Variants in PCDHA2 observed in about 807,000 individuals in gnomAD.
The protein encoded by PCDHA2 is protocadherin alpha-2.
A neutral mutation model predicts 66.0 loss-of-function variants in PCDHA2; 58 were observed. The observed-to-expected ratio is 0.88, with a 90% CI of 0.71 to 1.09. The LOEUF (loss-of-function observed/expected upper bound fraction) is 1.09. Ranked by LOEUF, PCDHA2 falls within the 50% of genes least tolerant of loss-of-function variation. The probability of loss-of-function intolerance (pLI) is 0.00; values close to 1 mark genes in which losing one functional copy is unlikely to be tolerated. For synonymous variants in PCDHA2, 634 were observed against 554.0 expected (o/e 1.14, Z -2.03); for missense variants, 1,267 against 1,242.3 (o/e 1.02, Z -0.30).
At chr5:140,996,831 T>C (rs1196344709) in intron 3 of PCDHA2, among the ~76,000 whole-genome samples, 1 of 152,204 alleles carries the variant, frequency 6.6e-6, no homozygotes, top group Non-Finnish European at 1.5e-5. Flanking sequence ...CTACCAATAA[T>C]TTAGCGTGCA....
intron 1 of PCDHA2, among the ~76,000 whole-genome samples, chr5:140,948,168 T>G (rs1217978838): frequency 6.6e-6 from 1 of 151,636 alleles, no homozygotes; most frequent in Non-Finnish European, 1.5e-5. Flanking sequence ...AACCTTCCAT[T>G]CCTAGGGTAA....
At chr5:140,832,389 C>G (rs1441016073) in intron 1 of PCDHA2, among the ~76,000 whole-genome samples, 1 of 152,132 alleles carries the variant, frequency 6.6e-6, no homozygotes, top group Non-Finnish European at 1.5e-5. Flanking sequence ...ATGGCAGAAA[C>G]TGGTAGTGGT....
intron 3 of PCDHA2, among the ~76,000 whole-genome samples, chr5:141,007,994 T>G (rs1339008337): frequency 5.9e-5 from 9 of 152,262 alleles, no homozygotes. Flanking sequence ...GAAATGTACA[T>G]GTTAATAAAC....
chr5:140,808,809 G>A, intron 1 of PCDHA2: 1 of 1,612,748 alleles, frequency 6.2e-7, no homozygotes, highest in Non-Finnish European at 8.5e-7. Flanking sequence ...CGCGATGCCG[G>A]CGTGCCACCT....
At chr5:140,831,834 T>C (rs1272753389) in intron 1 of PCDHA2, among the ~76,000 whole-genome samples, 4 of 152,326 alleles carry the variant, frequency 2.6e-5, no homozygotes, top group East Asian at 3.9e-4. Context: ...CTAGTTTCAA[T>C]GATAGAATTG....
chr5:140,849,804 G>A, intron 1 of PCDHA2: 2 of 1,598,448 alleles, frequency 1.3e-6, no homozygotes, highest in South Asian at 1.1e-5. Flanking sequence ...TTCACTGTGG[G>A]CCACGGCCAG....
chr5:140,949,679 T>A (rs246046), intron 1 of PCDHA2, among the ~76,000 whole-genome samples: 85,531 of 151,538 alleles, frequency 0.56, 24,739 homozygotes, highest in African/African-American at 0.69. Context: ...ATGCCCTTGT[T>A]GAAGCGTATT....
intron 1 of PCDHA2, chr5:140,870,060 A>G (rs2051623081): frequency 6.2e-7 from 1 of 1,613,776 alleles, no homozygotes; most frequent in African/African-American, 1.3e-5. Flanking sequence ...AAATTGAAGT[A>G]CAGGCTACAG....
In PCDHA2 at chr5:140,894,570, T is replaced by G. The variant is rs558111947; in HGVS notation, c.2389-84379T>G. ...TTTACTTCTGAAAAAATTATTTTCC[T>G]TTTTTTTAATATTTTACTGAGTTTT... On this transcript the variant is annotated intron_variant, in intron 1 of 3. Coordinates refer to ENST00000526136, the MANE Select transcript of PCDHA2 (RefSeq NM_018905.3). Among the ~76,000 whole-genome samples the G allele has an allele frequency of 1.5e-4, 23 of 151,856 alleles. No individual in the cohort carries two copies. The South Asian group carries it at 4.4e-3, about 29-fold the overall frequency.
intron 1 of PCDHA2, among the ~76,000 whole-genome samples, chr5:140,924,902 AAAAT>A (rs1239542905): frequency 0.13 from 4,984 of 38,732 alleles, 244 homozygotes; most frequent in African/African-American, 0.34. Flanking sequence ...CTCAAAAAAA[AAAAT>A]AAAATAAAAT....
chr5:140,882,788 C>T, intron 1 of PCDHA2: 1 of 1,614,216 alleles, frequency 6.2e-7, no homozygotes, highest in East Asian at 2.2e-5. Context: ...CCGACTGGAT[C>T]CCAACGATTA....
intron 1 of PCDHA2, chr5:140,821,518 A>G (rs2150109679): frequency 2.5e-6 from 1 of 404,992 alleles, no homozygotes. Flanking sequence ...TAAATAAAGC[A>G]AAACAAAATA....
Position 140,848,404 on chromosome 5 carries a change from G to T in PCDHA2, c.2388+51052G>T, listed in dbSNP as rs2150409981. The stretch of plus-strand genomic sequence containing the variant: ...TTCACTCTCTCTGTGCTGAACGATG[G>T]CGAACACAGCAGAATGGGACTGACG... On this transcript the variant is annotated intron_variant, in intron 1 of 3. Coordinates refer to ENST00000526136, the MANE Select transcript of PCDHA2 (RefSeq NM_018905.3). 7 of 1,324,350 alleles carry T rather than the reference G, an allele frequency of 5.3e-6. 2 individuals are homozygous for T. In the Admixed American group the frequency reaches 1.3e-4, roughly 24 times the overall value. 82.0% of individuals were successfully genotyped at this position (1,324,350 alleles called of 1,614,324 possible).
At chr5:140,913,379 C>T (rs1554195889) in intron 1 of PCDHA2, among the ~76,000 whole-genome samples, 1 of 152,134 alleles carries the variant, frequency 6.6e-6, no homozygotes, top group Non-Finnish European at 1.5e-5. Context: ...CATATAGTGG[C>T]TCATCATAGC....
intron 1 of PCDHA2, chr5:140,824,624 T>TTTTTTTTTTTTTTTTTTTTTTTTTG (rs1562279900): frequency 7.6e-6 from 1 of 131,674 alleles, no homozygotes; most frequent in Non-Finnish European, 1.6e-5. Context: ...TTTTTTTTTT[T>TTTTTTTTTTTTTTTTTTTTTTTTTG]TTTTTTTTAT....
intron 1 of PCDHA2, chr5:140,809,050 G>T (rs374806592): frequency 8.1e-6 from 13 of 1,613,754 alleles, no homozygotes; most frequent in Non-Finnish European, 1.1e-5. Context: ...CGCGCATCCC[G>T]TTCCGCGTGG....
rs1762130584 is a variant in PCDHA2, at chr5:140,796,742, A to T, written c.1778A>T (p.Lys593Met). The T allele has an allele frequency of 6.2e-7, 1 of 1,613,988 alleles. No individual in the cohort carries two copies. Among genetic ancestry groups the T allele is most frequent in the Admixed American group, 1.7e-5 (1 of 60,014 alleles). The change falls in exon 1 of 4, where the codon AAG (lysine) becomes ATG (methionine). Residue 593 changes from lysine (K) to methionine (M), a missense_variant. Transcript: ENST00000526136. ...GTGGGTGCAGGGCACGTGGTGGCGA[A>T]GGTGCGCGCAGTGGACGCTGACTCA... The part of the protein sequence containing the change: ...WSVGAGHVVA[K>M]VRAVDADSGY...
At chr5:140,945,131 A>C (rs1484443084) in intron 1 of PCDHA2, among the ~76,000 whole-genome samples, 1 of 152,202 alleles carries the variant, frequency 6.6e-6, no homozygotes, top group Non-Finnish European at 1.5e-5. Context: ...CAACTTACAA[A>C]AATCAATAGC....
chr5:140,834,270 C>T (rs2150214747), intron 1 of PCDHA2: 4 of 1,049,694 alleles, frequency 3.8e-6, no homozygotes, highest in Non-Finnish European at 5.6e-6. Flanking sequence ...CTCTCTTTCA[C>T]TCTTTGGATG....
Sources: gnomAD v4.1 joint callset for allele counts (sites outside exome capture counted in the v4.1 genomes callset) on GRCh38, gnomAD v4.1.1 for gene constraint, MANE v1.5 for transcripts, NCBI Gene and HGNC (gene_info 2026-07-23, HGNC 2026-07-21) for gene names.